HHAT: variants seen among roughly 807,000 people sequenced by gnomAD.
HHAT encodes protein-cysteine N-palmitoyltransferase HHAT.
HHAT carries 47 observed loss-of-function variants against 70.8 expected under a neutral mutation model. That is an observed-to-expected ratio of 0.66 (90% confidence interval 0.53 to 0.85). HHAT has a LOEUF of 0.85. Among genes scored for constraint, HHAT ranks in the 40% least tolerant of loss-of-function variants. HHAT has a pLI of 0.00. For missense variants in HHAT, 609 were observed against 604.8 expected, an observed-to-expected ratio of 1.01 and a Z score of -0.07; for synonymous variants, 228 against 247.6, an observed-to-expected ratio of 0.92 and a Z score of 0.74.
intron 10 of HHAT, among the ~76,000 whole-genome samples, chr1:210,611,860 T>G (rs929348251): frequency 6.6e-6 from 1 of 152,182 alleles, no homozygotes; most frequent in Non-Finnish European, 1.5e-5. Flanking sequence ...TGAAGCCAAC[T>G]TGATTGTGGT....
At chr1:210,653,636 G>C (rs1049221251) in intron 11 of HHAT, among the ~76,000 whole-genome samples, 3 of 152,176 alleles carry the variant, frequency 2.0e-5, no homozygotes, top group Non-Finnish European at 4.4e-5. Context: ...ATGCCTATAG[G>C]GGGAGGAACT....
At chr1:210,577,954 A>AT (rs1658290595) in intron 9 of HHAT, among the ~76,000 whole-genome samples, 1 of 151,956 alleles carries the variant, frequency 6.6e-6, no homozygotes, top group South Asian at 2.1e-4. Flanking sequence ...TTGGCCTGTA[A>AT]TTTTTTAATG....
chr1:210,601,207 A>G (rs557859445), intron 10 of HHAT, among the ~76,000 whole-genome samples: 3 of 152,336 alleles, frequency 2.0e-5, no homozygotes, highest in South Asian at 4.1e-4. Flanking sequence ...AAATCAACCA[A>G]TTTAAAAGTA....
intron 3 of HHAT, among the ~76,000 whole-genome samples, chr1:210,373,598 G>A (rs151149364): frequency 6.6e-6 from 1 of 152,270 alleles, no homozygotes; most frequent in East Asian, 1.9e-4. Context: ...ATTCCATCAT[G>A]ATTTTGCTCC....
intron 8 of HHAT, among the ~76,000 whole-genome samples, chr1:210,483,838 T>C (rs1331110418): frequency 6.6e-6 from 1 of 152,112 alleles, no homozygotes; most frequent in Admixed American, 6.6e-5. Flanking sequence ...ATAATATAAG[T>C]ATAAATACAT....
At chr1:210,527,772 AC>A (rs1401045532) in intron 9 of HHAT, among the ~76,000 whole-genome samples, 2 of 151,940 alleles carry the variant, frequency 1.3e-5, no homozygotes, top group African/African-American at 4.8e-5. Flanking sequence ...CATAGGCCAA[AC>A]CCAGGCCATC....
At chr1:210,529,063 G>A (rs191750891) in intron 9 of HHAT, among the ~76,000 whole-genome samples, 5 of 152,240 alleles carry the variant, frequency 3.3e-5, no homozygotes, top group African/African-American at 1.2e-4. Context: ...CCAGCACTTC[G>A]GGAGGCCAAG....
At chr1:210,650,196 A>G (rs1674850530) in intron 11 of HHAT, among the ~76,000 whole-genome samples, 1 of 152,224 alleles carries the variant, frequency 6.6e-6, no homozygotes, top group South Asian at 2.1e-4. Context: ...TAAATAGAGA[A>G]TCAGATGGCT....
At chr1:210,658,346 T>C (rs892727362) in intron 11 of HHAT, among the ~76,000 whole-genome samples, 2 of 152,192 alleles carry the variant, frequency 1.3e-5, no homozygotes, top group African/African-American at 4.8e-5. Context: ...TCTTCTAAAG[T>C]AGACTTTTAT....
intron 9 of HHAT, among the ~76,000 whole-genome samples, chr1:210,517,153 A>G (rs934516585): frequency 3.3e-5 from 5 of 152,204 alleles, no homozygotes; most frequent in African/African-American, 9.7e-5. Context: ...GGGGAAAGAG[A>G]TTACAGAATA....
At chr1:210,450,247 C>T (rs61345702) in intron 7 of HHAT, among the ~76,000 whole-genome samples, 8 of 150,072 alleles carry the variant, frequency 5.3e-5, no homozygotes, top group Admixed American at 3.3e-4. Flanking sequence ...GCCAAGATTG[C>T]GCCACTGCAC....
chr1:210,516,748 A>T (rs1261994072), intron 9 of HHAT, among the ~76,000 whole-genome samples: 1 of 151,946 alleles, frequency 6.6e-6, no homozygotes, highest in Non-Finnish European at 1.5e-5. Context: ...AAAAAAAAAA[A>T]GCTGCAGCAT....
At chr1:210,624,798 T>C (rs10465688) in intron 11 of HHAT, among the ~76,000 whole-genome samples, 32,225 of 152,176 alleles carry the variant, frequency 0.21, 3,917 homozygotes, top group East Asian at 0.29. Flanking sequence ...CATACTACTA[T>C]AGCCAACTTG....
At chr1:210,558,407 C>A (rs1261044473) in intron 9 of HHAT, among the ~76,000 whole-genome samples, 1 of 152,192 alleles carries the variant, frequency 6.6e-6, no homozygotes, top group Non-Finnish European at 1.5e-5. Flanking sequence ...TCTCTTGTTA[C>A]TTTATTTAGA....
chr1:210,409,405 C>A (rs1050946796), intron 6 of HHAT, among the ~76,000 whole-genome samples: 1 of 152,166 alleles, frequency 6.6e-6, no homozygotes, highest in Non-Finnish European at 1.5e-5. Context: ...GCCTTGGTGG[C>A]AGCAACACCT....
Position 210,400,602 on chromosome 1 carries a change from G to A in HHAT, c.408G>A (p.Thr136=), listed in dbSNP as rs549833045. The A allele has an allele frequency of 8.1e-6, 13 of 1,614,136 alleles. No homozygotes were observed. The highest frequency in any genetic ancestry group is 1.7e-4 in the Middle Eastern group (1 of 6,058). ...CCCAGTTCCGGTCTCAGCTCCTGAC[G>A]TGGCTCTGTTCTCTCCTCCTCCTCT... ...CVAQFRSQLL[T]WLCSLLLLST... Residue 136 remains threonine, a synonymous_variant, in exon 5 of 12, where the codon ACG becomes ACA. Coordinates refer to ENST00000261458, the MANE Select transcript of HHAT (RefSeq NM_018194.6).
chr1:210,628,291 G>T (rs1039330984), intron 11 of HHAT, among the ~76,000 whole-genome samples: 1 of 152,032 alleles, frequency 6.6e-6, no homozygotes, highest in Admixed American at 6.5e-5. Flanking sequence ...AAGTCTGCCT[G>T]CTTTTGTCCA....
intron 3 of HHAT, among the ~76,000 whole-genome samples, chr1:210,373,237 G>C (rs1459782023): frequency 5.3e-5 from 8 of 152,138 alleles, no homozygotes; most frequent in African/African-American, 1.9e-4. Context: ...GAGAGAAAGG[G>C]GGACGGGATT....
At chr1:210,517,307 A>C (rs1320234789) in intron 9 of HHAT, among the ~76,000 whole-genome samples, 1 of 152,010 alleles carries the variant, frequency 6.6e-6, no homozygotes, top group South Asian at 2.1e-4. Context: ...TTTATCTTTG[A>C]ATAGATATGG....
Sources: allele counts gnomAD v4.1 joint callset (sites outside exome capture counted in the v4.1 genomes callset), GRCh38; gene constraint gnomAD v4.1.1; transcripts MANE v1.5; gene names NCBI Gene and HGNC (gene_info 2026-07-23, HGNC 2026-07-21).